MICU2: variants seen among roughly 807,000 people sequenced by gnomAD.
MICU2 encodes calcium uptake protein 2, mitochondrial.
MICU2 carries 64 observed loss-of-function variants against 60.4 expected under a neutral mutation model. That is an observed-to-expected ratio of 1.06 (90% CI 0.87 to 1.31). The LOEUF (loss-of-function observed/expected upper bound fraction) is 1.31, where lower values mean the gene tolerates loss of function less well. MICU2 is among the 50% of genes most tolerant of loss of function. MICU2 has a pLI of 0.00. For missense variants in MICU2, 569 were observed against 531.0 expected (o/e 1.07, Z -0.70); for synonymous variants, 201 against 175.0 (o/e 1.15, Z -1.17).
At chr13:21,527,350 G>C (rs1235615882) in intron 4 of MICU2, among the ~76,000 whole-genome samples, 1 of 152,198 alleles carries the variant, frequency 6.6e-6, no homozygotes, top group Non-Finnish European at 1.5e-5. Flanking sequence ...CTTGATGCCA[G>C]AAGGAGGCCT....
intron 2 of MICU2, among the ~76,000 whole-genome samples, chr13:21,549,790 C>A (rs1887507734): frequency 6.6e-6 from 1 of 152,160 alleles, no homozygotes; most frequent in African/African-American, 2.4e-5. Flanking sequence ...AATATAACCA[C>A]AAGTATGCTG....
chr13:21,531,208 G>C, intron 4 of MICU2: 4 of 984,648 alleles, frequency 4.1e-6, no homozygotes, highest in Non-Finnish European at 6.6e-6. Context: ...TTAGAGTTAT[G>C]TGAGATCCTA....
At chr13:21,582,619 C>A (rs1888371177) in intron 1 of MICU2, among the ~76,000 whole-genome samples, 1 of 152,102 alleles carries the variant, frequency 6.6e-6, no homozygotes, top group South Asian at 2.1e-4. Flanking sequence ...CTAAAACAAC[C>A]TTTTTCGATT....
chr13:21,578,308 T>C (rs970248699), intron 1 of MICU2, among the ~76,000 whole-genome samples: 1 of 152,144 alleles, frequency 6.6e-6, no homozygotes, highest in Non-Finnish European at 1.5e-5. Flanking sequence ...ATTTTAGAGC[T>C]GGGCTTAGTG....
chr13:21,512,220 C>T (rs1192799319), intron 7 of MICU2, among the ~76,000 whole-genome samples: 2 of 152,046 alleles, frequency 1.3e-5, no homozygotes, highest in Non-Finnish European at 2.9e-5. Context: ...TGGTGAATAT[C>T]CTTTTATGTG....
chr13:21,514,540 C>CT (rs112252216), intron 6 of MICU2, 122 bp from the exon 7 acceptor site: 24,058 of 484,702 alleles, frequency 0.05, 4 homozygotes, highest in East Asian at 0.071. Flanking sequence ...ATATTAACTT[C>CT]TTTTTTTTTT....
chr13:21,561,686 GTTTCTT>G (rs1593345609), intron 2 of MICU2, among the ~76,000 whole-genome samples: 1 of 97,636 alleles, frequency 1.0e-5, no homozygotes, highest in Non-Finnish European at 2.0e-5. Context: ...TTTAAAGTGG[GTTTCTT>G]TTTTTTTTTT....
intron 4 of MICU2, among the ~76,000 whole-genome samples, chr13:21,524,484 T>G (rs1425577635): frequency 1.3e-5 from 2 of 152,198 alleles, no homozygotes; most frequent in Non-Finnish European, 2.9e-5. Context: ...CCTTAACATC[T>G]TCAAATTCAA....
In MICU2 at chr13:21,553,404, C is replaced by T. The variant is rs556029938; in HGVS notation, c.358+13393G>A. Reference sequence around the variant, plus strand: ...ACAATTTGACTTCCTCTTTTCCTAACTGAATGCCCTTTATTTCCTTCCTTC... The same window carrying T: ...ACAATTTGACTTCCTCTTTTCCTAATTGAATGCCCTTTATTTCCTTCCTTC... On this transcript the variant is annotated intron_variant, in intron 2 of 11. Transcript: ENST00000382374. Among the ~76,000 whole-genome samples the T allele has an allele frequency of 5.0e-4, 76 of 152,240 alleles. 1 individual carries two copies. In the South Asian group the frequency reaches 0.016, roughly 32 times the overall value.
Position 21,553,635 on chromosome 13 carries a change from A to G in MICU2, c.358+13162T>C, listed in dbSNP as rs569358736. ...AAGAAACTGCATCAACTAACGAGCA[A>G]AATAACCAGCTAACATCATAATGAC... On this transcript the variant is annotated intron_variant, in intron 2 of 11. Coordinates refer to ENST00000382374, the MANE Select transcript of MICU2 (RefSeq NM_152726.3). 9.8e-5 allele frequency among the ~76,000 whole-genome samples: 15 copies of G among 152,322 alleles called. No homozygotes were observed. In the East Asian group the frequency reaches 2.9e-3, roughly 29 times the overall value.
Position 21,502,982 on chromosome 13 carries a change from T to G in MICU2, c.877A>C (p.Thr293Pro). The G allele has an allele frequency of 6.2e-7, 1 of 1,612,310 alleles. No homozygotes were observed. The highest frequency in any genetic ancestry group is 8.5e-7 in the Non-Finnish European group (1 of 1,179,616). ...TTCCAATAAATATCTTTATTTTCAG[T>G]GTTAGTGAAAAAAAGTAGCCACTCT... ...FAEWLLFFTN[T>P]ENKDIYWKNV... Residue 293 changes from threonine to proline, a missense_variant, in exon 9 of 12, where the codon ACT becomes CCT. Thr to Pro is a conservative substitution (Grantham distance 38). Transcript: ENST00000382374.
intron 1 of MICU2, among the ~76,000 whole-genome samples, chr13:21,570,506 A>G (rs1888083401): frequency 6.6e-6 from 1 of 152,244 alleles, no homozygotes; most frequent in South Asian, 2.1e-4. Flanking sequence ...AGAATGTAAT[A>G]ACCACAATAT....
intron 2 of MICU2, among the ~76,000 whole-genome samples, chr13:21,553,756 G>A (rs1262792522): frequency 1.3e-5 from 2 of 152,236 alleles, no homozygotes; most frequent in East Asian, 3.9e-4. Flanking sequence ...ATAGAGTCAA[G>A]ACCCATCAGT....
intron 9 of MICU2, among the ~76,000 whole-genome samples, chr13:21,500,968 CTCAG>C (rs1270964349): frequency 2.0e-5 from 3 of 152,060 alleles, no homozygotes; most frequent in Non-Finnish European, 4.4e-5. Context: ...TCTACACTTA[CTCAG>C]TTTCATTTTT....
chr13:21,496,433 G>A, intron 9 of MICU2: 1 of 368,470 alleles, frequency 2.7e-6, no homozygotes, highest in South Asian at 3.6e-5. Context: ...CTCCAGAACT[G>A]TGAGAAATAA....
In MICU2 at chr13:21,492,952, G is replaced by A. The variant is rs1339720672; in HGVS notation, c.*297C>T. On this transcript the variant is annotated 3_prime_UTR_variant, in exon 12 of 12. Coordinates refer to ENST00000382374, the MANE Select transcript of MICU2 (RefSeq NM_152726.3). ...TGTATTTGTTTTATCCTTCCAGAAA[G>A]CATATCATATTAGAGTGTCTAAGAA... 1 of 183,832 alleles carries A rather than the reference G, an allele frequency of 5.4e-6. No homozygotes were observed. Among genetic ancestry groups the A allele is most frequent in the Non-Finnish European group, 1.1e-5 (1 of 89,290 alleles). 11.4% of individuals were successfully genotyped at this position (183,832 alleles called of 1,614,324 possible).
rs145576175 is a variant in MICU2 at position 21,572,742 on chromosome 13, T to C, written c.211-5798A>G. On this transcript the variant is annotated intron_variant, in intron 1 of 11. Coordinates refer to ENST00000382374, the MANE Select transcript of MICU2 (RefSeq NM_152726.3). Reference sequence around the variant, plus strand: ...CATGATTCAGCCTCCAGGCTTAAGTTTGGGGGTCCTGGGATTTTAAATTTT... The same window carrying C: ...CATGATTCAGCCTCCAGGCTTAAGTCTGGGGGTCCTGGGATTTTAAATTTT... 2.3e-3 allele frequency among the ~76,000 whole-genome samples: 356 copies of C among 152,274 alleles called. 3 individuals are homozygous for C. The highest frequency in any genetic ancestry group is 7.8e-3 in the African/African-American group (322 of 41,540).
In MICU2 at chr13:21,503,061, C is replaced by T. The variant is rs751370417; in HGVS notation, c.798G>A (p.Met266Ile). The T allele has an allele frequency of 6.2e-7, 1 of 1,601,322 alleles. No homozygotes were observed. Among genetic ancestry groups the T allele is most frequent in the African/African-American group, 1.3e-5 (1 of 74,136 alleles). ...AACCTTTAGAAAACTGAAGGAATTCCATTTCTTGAATCTCTGTTTGTAAAT... is the reference window on the plus strand; with the variant it reads ...AACCTTTAGAAAACTGAAGGAATTCTATTTCTTGAATCTCTGTTTGTAAAT... ...MENLQTEIQE[M>I]EFLQFSKGLS... Residue 266 changes from methionine to isoleucine, a missense_variant, in exon 9 of 12, where the codon ATG becomes ATA. Coordinates refer to ENST00000382374, the MANE Select transcript of MICU2 (RefSeq NM_152726.3).
At chr13:21,497,574 G>A (rs112745121) in intron 9 of MICU2, among the ~76,000 whole-genome samples, 5,611 of 152,020 alleles carry the variant, frequency 0.037, 344 homozygotes, top group African/African-American at 0.13. Flanking sequence ...GCCAGGCACG[G>A]TGGCATGTGC....
Sources: allele counts gnomAD v4.1 joint callset (sites outside exome capture counted in the v4.1 genomes callset), GRCh38; gene constraint gnomAD v4.1.1; transcripts MANE v1.5; gene names NCBI Gene and HGNC (gene_info 2026-07-23, HGNC 2026-07-21).